CEP128: variants seen among roughly 807,000 people sequenced by gnomAD.
CEP128 encodes centrosomal protein 128.
In CEP128, 132 loss-of-function variants were observed where a neutral mutation model predicts 156.7. That is an observed-to-expected ratio of 0.84 (90% CI 0.73 to 0.97). The LOEUF (loss-of-function observed/expected upper bound fraction) is 0.97. Ranked by LOEUF, CEP128 falls within the 50% of genes least tolerant of loss-of-function variation. The pLI is 0.00. For synonymous variants in CEP128, 469 were observed against 448.9 expected, an observed-to-expected ratio of 1.04 and a Z score of -0.57; for missense variants, 1,252 against 1,281.9, an observed-to-expected ratio of 0.98 and a Z score of 0.36.
At chr14:80,588,953 C>T (rs1348263453) in intron 19 of CEP128, among the ~76,000 whole-genome samples, 1 of 151,918 alleles carries the variant, frequency 6.6e-6, no homozygotes, top group Non-Finnish European at 1.5e-5. Context: ...CATGAAGTAG[C>T]CATGAGGAAG....
intron 10 of CEP128, 49 bp downstream of exon 10, chr14:80,840,633 T>C (rs375385808): frequency 1.0e-4 from 123 of 1,182,984 alleles, no homozygotes; most frequent in African/African-American, 5.9e-4. Flanking sequence ...ACAAATACCA[T>C]TGGCCCCAAA....
intron 20 of CEP128, among the ~76,000 whole-genome samples, chr14:80,562,660 T>TTTTC: frequency 8.0e-6 from 1 of 125,006 alleles, no homozygotes; most frequent in African/African-American, 3.4e-5. Context: ...CTTTTCTTTT[T>TTTTC]TTTTTTTTTT....
intron 19 of CEP128, among the ~76,000 whole-genome samples, chr14:80,641,538 G>A (rs547287988): frequency 9.2e-5 from 14 of 152,216 alleles, no homozygotes; most frequent in African/African-American, 3.1e-4. Flanking sequence ...TCCTAGAATC[G>A]GATACAGTGC....
intron 2 of CEP128, among the ~76,000 whole-genome samples, chr14:80,948,011 A>G (rs1028188961): frequency 6.6e-6 from 1 of 152,212 alleles, no homozygotes; most frequent in Non-Finnish European, 1.5e-5. Flanking sequence ...GCTCCCCTAT[A>G]GTATCACTGC....
chr14:80,926,850 G>A (rs1442795375), intron 2 of CEP128, among the ~76,000 whole-genome samples: 2 of 152,192 alleles, frequency 1.3e-5, no homozygotes, highest in East Asian at 3.9e-4. Context: ...TTAACCAGGA[G>A]GCCTTGAGTC....
intron 13 of CEP128, among the ~76,000 whole-genome samples, chr14:80,809,328 A>T (rs2371416): frequency 0.4 from 59,897 of 151,402 alleles, 11,989 homozygotes; most frequent in Non-Finnish European, 0.41. Flanking sequence ...TCAGAATTTT[A>T]AAAAAAAAGA....
intron 8 of CEP128, among the ~76,000 whole-genome samples, chr14:80,880,721 G>C (rs1306293904): frequency 2.0e-5 from 3 of 150,344 alleles, no homozygotes; most frequent in Non-Finnish European, 4.4e-5. Context: ...AAATTAGCCG[G>C]GCATGGTGGT....
chr14:80,883,147 A>G (rs976755546), intron 8 of CEP128, among the ~76,000 whole-genome samples: 16 of 152,180 alleles, frequency 1.1e-4, no homozygotes, highest in African/African-American at 3.6e-4. Context: ...ATATCAAAAC[A>G]TCTCATGTAC....
intron 19 of CEP128, among the ~76,000 whole-genome samples, chr14:80,671,442 A>T (rs1381935522): frequency 6.6e-6 from 1 of 152,196 alleles, no homozygotes; most frequent in African/African-American, 2.4e-5. Flanking sequence ...CATTAATAAA[A>T]ATATCACAAG....
chr14:80,914,430 A>C, intron 3 of CEP128, 22 bp from the exon 4 acceptor site: 4 of 1,562,082 alleles, frequency 2.6e-6, no homozygotes, highest in Non-Finnish European at 3.5e-6. Context: ...AAATGGACTG[A>C]ATTAATTATT....
intron 13 of CEP128, among the ~76,000 whole-genome samples, chr14:80,826,900 C>T (rs1377962002): frequency 6.6e-6 from 1 of 152,008 alleles, no homozygotes; most frequent in Non-Finnish European, 1.5e-5. Context: ...CTTATGAATA[C>T]AAATAGGCTA....
At chr14:80,864,582 A>G (rs990806198) in intron 8 of CEP128, among the ~76,000 whole-genome samples, 1 of 150,624 alleles carries the variant, frequency 6.6e-6, no homozygotes, top group African/African-American at 2.4e-5. Flanking sequence ...TTTTTGAGAC[A>G]GTCTCACTCT....
At position 80,824,058 on chromosome 14, in the gene CEP128, C is replaced by T. The variant is rs117390776; in HGVS notation, c.1209+7085G>A. The stretch of plus-strand genomic sequence containing the variant: ...AATTCTTGACTTCTGTGCACCCGTA[C>T]ACTCAAAACCACATGGAAGCTGCCA... On this transcript the variant is annotated intron_variant, in intron 13 of 24. Transcript: ENST00000555265. 8.0e-3 allele frequency among the ~76,000 whole-genome samples: 1,220 copies of T among 152,340 alleles called. 9 individuals are homozygous for T. Among genetic ancestry groups the T allele is most frequent in the Non-Finnish European group, 0.01 (682 of 68,028 alleles).
intron 19 of CEP128, among the ~76,000 whole-genome samples, chr14:80,608,259 A>G (rs552162878): frequency 3.7e-4 from 56 of 152,282 alleles, no homozygotes; most frequent in African/African-American, 1.3e-3. Flanking sequence ...TTTCGCCTCC[A>G]CTAGGATGTA....
chr14:80,724,867 C>T lies in CEP128; in HGVS notation c.2806+18208G>A, dbSNP rs141703112. On this transcript the variant is annotated intron_variant, in intron 19 of 24. Transcript: ENST00000555265. ...CTGACTGTATACTCTAGCCTCCTTG[C>T]CTTGTTGTTTGCTCCTTTGTTCATT... Among the ~76,000 whole-genome samples, 629 of 151,000 alleles carry T rather than the reference C, an allele frequency of 4.2e-3. 8 individuals carry two copies. The highest frequency in any genetic ancestry group is 0.015 in the African/African-American group (612 of 41,316).
At chr14:80,683,307 C>A (rs904111294) in intron 19 of CEP128, among the ~76,000 whole-genome samples, 1 of 152,064 alleles carries the variant, frequency 6.6e-6, no homozygotes, top group Non-Finnish European at 1.5e-5. Context: ...CAAAAGAGAG[C>A]AGGGATCACA....
chr14:80,628,643 T>C (rs908228857), intron 19 of CEP128, among the ~76,000 whole-genome samples: 1 of 152,156 alleles, frequency 6.6e-6, no homozygotes, highest in Non-Finnish European at 1.5e-5. Context: ...ACGCTGTCTA[T>C]TTTAGCTTTG....
chr14:80,717,751 T>G (rs551641257), intron 19 of CEP128, among the ~76,000 whole-genome samples: 2 of 152,330 alleles, frequency 1.3e-5, no homozygotes, highest in East Asian at 3.9e-4. Context: ...AATAGATCAT[T>G]GATCTAACTC....
At chr14:80,881,843 G>A (rs1251204052) in intron 8 of CEP128, among the ~76,000 whole-genome samples, 2 of 151,962 alleles carry the variant, frequency 1.3e-5, no homozygotes, top group East Asian at 3.9e-4. Flanking sequence ...TCAAAAAACT[G>A]AGTAACCAAG....
Sources: gnomAD v4.1 joint callset for allele counts (sites outside exome capture counted in the v4.1 genomes callset) on GRCh38, gnomAD v4.1.1 for gene constraint, MANE v1.5 for transcripts, NCBI Gene and HGNC (gene_info 2026-07-23, HGNC 2026-07-21) for gene names.